The following ST6GALNAC5 variants were observed in gnomAD, a reference collection of about 807,000 sequenced individuals.
The protein encoded by ST6GALNAC5 is ST6 N-acetylgalactosaminide alpha-2,6-sialyltransferase 5.
Under a neutral mutation model 33.6 loss-of-function variants are expected in ST6GALNAC5, and 27 were observed. The ratio of observed to expected loss-of-function variants is 0.80; its 90% CI spans 0.59 to 1.11. The LOEUF is 1.11. ST6GALNAC5 is among the 50% of genes least tolerant of loss of function. The pLI, the probability that ST6GALNAC5 is intolerant of heterozygous loss-of-function variation, is 0.00. For missense variants in ST6GALNAC5, 428 were observed against 454.0 expected (o/e 0.94, Z 0.52); for synonymous variants, 194 against 171.2 (o/e 1.13, Z -1.04).
intron 2 of ST6GALNAC5, among the ~76,000 whole-genome samples, chr1:76,985,281 A>C (rs1218417197): frequency 3.3e-5 from 5 of 152,312 alleles, no homozygotes; most frequent in African/African-American, 1.2e-4. Flanking sequence ...ATGTCAGCCC[A>C]AATCTCCTTA....
intron 2 of ST6GALNAC5, among the ~76,000 whole-genome samples, chr1:76,899,066 T>C (rs529020082): frequency 2.0e-5 from 3 of 152,156 alleles, no homozygotes; most frequent in Non-Finnish European, 2.9e-5. Context: ...ACAAAAATTA[T>C]TTAGAACTTG....
At chr1:76,871,910 T>C (rs1305702487) in intron 2 of ST6GALNAC5, among the ~76,000 whole-genome samples, 1 of 152,140 alleles carries the variant, frequency 6.6e-6, no homozygotes, top group Non-Finnish European at 1.5e-5. Context: ...CATGTCTGTG[T>C]CTTCAGGTAC....
intron 2 of ST6GALNAC5, among the ~76,000 whole-genome samples, chr1:76,971,453 AT>A (rs1648756452): frequency 6.6e-6 from 1 of 152,196 alleles, no homozygotes; most frequent in South Asian, 2.1e-4. Context: ...ATATTTTGGC[AT>A]GGATGAATGT....
intron 2 of ST6GALNAC5, among the ~76,000 whole-genome samples, chr1:77,042,321 C>T (rs1369040105): frequency 1.3e-5 from 2 of 152,174 alleles, no homozygotes; most frequent in Non-Finnish European, 2.9e-5. Flanking sequence ...GCAGAGCCTC[C>T]TCTCCTTATA....
Position 76,867,592 on chromosome 1 carries a change from C to A in ST6GALNAC5, c.-84C>A. 6.2e-7 allele frequency: 1 copy of A among 1,608,250 alleles called. No individual in the cohort carries two copies. The highest frequency in any genetic ancestry group is 8.5e-7 in the Non-Finnish European group (1 of 1,174,780). Reference sequence around the variant, plus strand: ...GGCAAAAATCAGAGCCGCCTCCGCCCCATTACCCATCATGGAAACCCTCCA... The same window carrying A: ...GGCAAAAATCAGAGCCGCCTCCGCCACATTACCCATCATGGAAACCCTCCA... On this transcript the variant is annotated 5_prime_UTR_variant, in exon 1 of 5. Coordinates refer to ENST00000477717, the MANE Select transcript of ST6GALNAC5 (RefSeq NM_030965.3).
intron 2 of ST6GALNAC5, among the ~76,000 whole-genome samples, chr1:76,986,367 A>G (rs575811428): frequency 1.3e-5 from 2 of 152,366 alleles, no homozygotes; most frequent in South Asian, 2.1e-4. Context: ...ATGAACAGAC[A>G]CTTCTCAAAA....
chr1:76,970,353 G>A (rs1336531332), intron 2 of ST6GALNAC5, among the ~76,000 whole-genome samples: 1 of 151,852 alleles, frequency 6.6e-6, no homozygotes, highest in Non-Finnish European at 1.5e-5. Context: ...GTGTAGAGAA[G>A]ACCTTAAATG....
intron 2 of ST6GALNAC5, among the ~76,000 whole-genome samples, chr1:77,015,225 A>T (rs143265925): frequency 1.3e-5 from 2 of 152,330 alleles, no homozygotes; most frequent in Non-Finnish European, 2.9e-5. Flanking sequence ...AGCTGATGAT[A>T]TAAATCCCAG....
intron 2 of ST6GALNAC5, among the ~76,000 whole-genome samples, chr1:76,994,541 A>G (rs894384557): frequency 1.3e-5 from 2 of 152,230 alleles, no homozygotes; most frequent in African/African-American, 2.4e-5. Flanking sequence ...TTAATGAAAG[A>G]GAAAGAAGAA....
chr1:76,877,043 G>A (rs557770983), intron 2 of ST6GALNAC5, among the ~76,000 whole-genome samples: 18 of 152,278 alleles, frequency 1.2e-4, no homozygotes, highest in East Asian at 3.9e-4. Flanking sequence ...TGCAAAACCC[G>A]CTTTTTGGCT....
intron 2 of ST6GALNAC5, among the ~76,000 whole-genome samples, chr1:77,028,226 T>A (rs1039673549): frequency 1.3e-5 from 2 of 152,222 alleles, no homozygotes; most frequent in Admixed American, 6.5e-5. Context: ...AAAAGAAGAA[T>A]GTGACCACTG....
intron 2 of ST6GALNAC5, among the ~76,000 whole-genome samples, chr1:76,928,995 G>A (rs1261515531): frequency 6.6e-6 from 1 of 152,124 alleles, no homozygotes; most frequent in African/African-American, 2.4e-5. Flanking sequence ...TTAATACATG[G>A]AATTGATTGT....
intron 2 of ST6GALNAC5, among the ~76,000 whole-genome samples, chr1:76,930,115 T>G (rs1374205902): frequency 6.6e-6 from 1 of 152,164 alleles, no homozygotes; most frequent in Non-Finnish European, 1.5e-5. Context: ...GGAGGCACAT[T>G]GCTTCACTTC....
chr1:76,956,468 G>A (rs1239918320), intron 2 of ST6GALNAC5, among the ~76,000 whole-genome samples: 6 of 152,128 alleles, frequency 3.9e-5, no homozygotes, highest in African/African-American at 1.2e-4. Context: ...GAGTCCACAG[G>A]CTAACAAACT....
At chr1:77,058,995 T>A (rs547219885) in intron 4 of ST6GALNAC5, among the ~76,000 whole-genome samples, 5 of 152,346 alleles carry the variant, frequency 3.3e-5, no homozygotes, top group East Asian at 1.9e-4. Flanking sequence ...CATATTAGAA[T>A]CTCAAGGAGC....
intron 2 of ST6GALNAC5, among the ~76,000 whole-genome samples, chr1:76,874,436 T>C (rs976228288): frequency 6.6e-6 from 1 of 152,082 alleles, no homozygotes; most frequent in African/African-American, 2.4e-5. Context: ...GATATTATAT[T>C]ATATATATGG....
intron 2 of ST6GALNAC5, among the ~76,000 whole-genome samples, chr1:76,903,965 A>T (rs1646841183): frequency 6.6e-6 from 1 of 152,174 alleles, no homozygotes; most frequent in Non-Finnish European, 1.5e-5. Context: ...TCTGAAATTG[A>T]CTGTGGGGGT....
At chr1:77,040,291 C>T (rs1001691534) in intron 2 of ST6GALNAC5, among the ~76,000 whole-genome samples, 3 of 152,176 alleles carry the variant, frequency 2.0e-5, no homozygotes, top group Admixed American at 6.5e-5. Flanking sequence ...TTTATTGGCA[C>T]GCCTTACCAA....
chr1:76,994,069 T>C (rs1649836724), intron 2 of ST6GALNAC5, among the ~76,000 whole-genome samples: 1 of 152,182 alleles, frequency 6.6e-6, no homozygotes, highest in Admixed American at 6.6e-5. Flanking sequence ...ATTTTTCTTA[T>C]CAGAGAAGGC....
Sources: allele counts gnomAD v4.1 joint callset (sites outside exome capture counted in the v4.1 genomes callset), GRCh38; gene constraint gnomAD v4.1.1; transcripts MANE v1.5; gene names NCBI Gene and HGNC (gene_info 2026-07-23, HGNC 2026-07-21).